RUNX1T1: variants seen among roughly 807,000 people sequenced by gnomAD.
The protein encoded by RUNX1T1 is protein CBFA2T1.
RUNX1T1 carries 4 observed loss-of-function variants against 62.8 expected under a neutral mutation model. That is an observed-to-expected ratio of 0.06 (90% confidence interval 0.03 to 0.15). RUNX1T1 has a LOEUF of 0.15. Among genes scored for constraint, RUNX1T1 ranks in the 10% least tolerant of loss-of-function variants. The pLI is 1.00. For missense variants in RUNX1T1, 508 were observed against 754.3 expected (o/e 0.67, Z 3.82); for synonymous variants, 291 against 286.0 (o/e 1.02, Z -0.18).
chr8:92,018,901 T>C (rs1044807917), intron 1 of RUNX1T1, among the ~76,000 whole-genome samples: 2 of 152,224 alleles, frequency 1.3e-5, no homozygotes, highest in African/African-American at 4.8e-5. Flanking sequence ...TTTCTGAATC[T>C]ATACTTCTGG....
chr8:92,065,599 T>C (rs1012844944), upstream of RUNX1T1, among the ~76,000 whole-genome samples: 1 of 152,236 alleles, frequency 6.6e-6, no homozygotes, highest in African/African-American at 2.4e-5. Flanking sequence ...CTTTAGATCA[T>C]TCATTAGAAA....
At chr8:92,070,473 A>G (rs1833506494) in intron 2 of RUNX1T1, among the ~76,000 whole-genome samples, 1 of 152,222 alleles carries the variant, frequency 6.6e-6, no homozygotes, top group African/African-American at 2.4e-5. Flanking sequence ...CACTTATGGC[A>G]GAGCTACTTA....
At chr8:92,091,868 A>T (rs1347309883) in intron 1 of RUNX1T1, among the ~76,000 whole-genome samples, 1 of 152,172 alleles carries the variant, frequency 6.6e-6, no homozygotes, top group Non-Finnish European at 1.5e-5. Context: ...TCTTCTTTTG[A>T]GTTGGTGTTT....
At chr8:92,083,431 G>T (rs1475636474) in intron 1 of RUNX1T1, among the ~76,000 whole-genome samples, 1 of 152,172 alleles carries the variant, frequency 6.6e-6, no homozygotes, top group Non-Finnish European at 1.5e-5. Context: ...CAAAAAGTGT[G>T]TGAAGCATAT....
chr8:92,102,121 C>G (rs1190061593), upstream of RUNX1T1, among the ~76,000 whole-genome samples: 1 of 152,178 alleles, frequency 6.6e-6, no homozygotes, highest in African/African-American at 2.4e-5. This position sits in a 1 kb window ranked among gnomAD's most constrained non-coding sequence, Gnocchi z 4.5. Flanking sequence ...GAGTCCAGAG[C>G]GCGCAGAGGT....
At chr8:92,040,779 C>T (rs35749070) in intron 1 of RUNX1T1, among the ~76,000 whole-genome samples, 35,234 of 152,032 alleles carry the variant, frequency 0.23, 4,304 homozygotes, top group African/African-American at 0.3. Flanking sequence ...ATGGCATGTG[C>T]CTACAGTCAC....
At chr8:92,058,379 C>G (rs1458988174) in intron 1 of RUNX1T1, among the ~76,000 whole-genome samples, 1 of 152,184 alleles carries the variant, frequency 6.6e-6, no homozygotes, top group Non-Finnish European at 1.5e-5. Context: ...AATAGGCACA[C>G]TTTTGCCATA....
chr8:91,960,134 T>C (rs756639994), exon 11 of RUNX1T1: 5 of 1,144,024 alleles, frequency 4.4e-6, no homozygotes, highest in Non-Finnish European at 6.2e-6. Flanking sequence ...ATAGGATAAT[T>C]CATCTAATAA....
intron 1 of RUNX1T1, among the ~76,000 whole-genome samples, chr8:92,040,832 G>A (rs1828301886): frequency 6.6e-6 from 1 of 152,098 alleles, no homozygotes; most frequent in Admixed American, 6.5e-5. Context: ...TTGTGCCCAG[G>A]TGTTAAAAGC....
chr8:92,023,241 C>T (rs1824461878), intron 1 of RUNX1T1, among the ~76,000 whole-genome samples: 1 of 152,064 alleles, frequency 6.6e-6, no homozygotes, highest in South Asian at 2.1e-4. Context: ...TTGAATTCTA[C>T]TTTTCTTATC....
chr8:91,962,609 G>A (rs906719930), intron 10 of RUNX1T1, among the ~76,000 whole-genome samples: 31 of 152,346 alleles, frequency 2.0e-4, no homozygotes, highest in South Asian at 4.1e-4. Flanking sequence ...GTGAGCAAAC[G>A]TGGGCCTGGC....
chr8:92,080,492 G>A (rs1025774622), intron 1 of RUNX1T1, among the ~76,000 whole-genome samples: 5 of 152,236 alleles, frequency 3.3e-5, no homozygotes, highest in African/African-American at 9.6e-5. Context: ...CACTGTGACT[G>A]GGAACTGCAG....
At chr8:92,024,976 GGT>G (rs1273896042) in intron 1 of RUNX1T1, among the ~76,000 whole-genome samples, 2 of 152,076 alleles carry the variant, frequency 1.3e-5, no homozygotes, top group African/African-American at 4.8e-5. Context: ...TTGCATTCTT[GGT>G]CAAATGCCTG....
chr8:92,010,206 C>T (rs887754296), intron 4 of RUNX1T1: 1 of 152,124 alleles, frequency 6.6e-6, no homozygotes, highest in African/African-American at 2.4e-5. Flanking sequence ...TTGAAAGTGA[C>T]CTTCAAAGGG....
At chr8:92,058,225 G>C (rs1289779178) in intron 1 of RUNX1T1, among the ~76,000 whole-genome samples, 2 of 152,120 alleles carry the variant, frequency 1.3e-5, no homozygotes, top group Admixed American at 6.5e-5. Context: ...CACATTTTGA[G>C]CAACCTACAA....
intron 8 of RUNX1T1, among the ~76,000 whole-genome samples, chr8:91,976,625 A>T (rs1814009929): frequency 6.6e-6 from 1 of 152,248 alleles, no homozygotes. Context: ...TTCCACTTTA[A>T]ATTAAATGCT....
intron 6 of RUNX1T1, among the ~76,000 whole-genome samples, chr8:91,988,166 T>C (rs1816948612): frequency 6.6e-6 from 1 of 152,130 alleles, no homozygotes; most frequent in Admixed American, 6.5e-5. Flanking sequence ...CAAATAAAGA[T>C]GAGTCACATG....
intron 1 of RUNX1T1, among the ~76,000 whole-genome samples, chr8:92,040,699 C>T (rs1482913863): frequency 6.6e-6 from 1 of 152,074 alleles, no homozygotes; most frequent in East Asian, 1.9e-4. Context: ...TTTGTACATG[C>T]CTTCCTCGTC....
At chr8:92,001,526 T>C (rs746727988) in intron 5 of RUNX1T1, among the ~76,000 whole-genome samples, 5 of 152,166 alleles carry the variant, frequency 3.3e-5, no homozygotes, top group Non-Finnish European at 7.3e-5. Context: ...GCCTTTGCAT[T>C]GAAAGTTTAG....
Sources: gnomAD v4.1 joint callset for allele counts (sites outside exome capture counted in the v4.1 genomes callset) on GRCh38, gnomAD v4.1.1 for gene constraint, Gnocchi (gnomAD v3.1) non-coding constraint, MANE v1.5 for transcripts, NCBI Gene and HGNC (gene_info 2026-07-23, HGNC 2026-07-21) for gene names.